Variants in MEOX2 observed in about 807,000 individuals in gnomAD.
The protein encoded by MEOX2 is mesenchyme homeobox 2.
Under a neutral mutation model 27.0 loss-of-function variants are expected in MEOX2, and 11 were observed. The ratio of observed to expected loss-of-function variants is 0.41; its 90% CI spans 0.26 to 0.68. The LOEUF is 0.68. Among genes scored for constraint, MEOX2 ranks in the 30% least tolerant of loss-of-function variants. The pLI, the probability that MEOX2 is intolerant of heterozygous loss-of-function variation, is 0.33. For missense variants in MEOX2, 436 were observed against 385.4 expected (o/e 1.13, Z -1.10); for synonymous variants, 189 against 155.4 (o/e 1.22, Z -1.61).
chr7:15,657,374 T>C (rs1027094198), intron 1 of MEOX2, among the ~76,000 whole-genome samples: 1 of 151,996 alleles, frequency 6.6e-6, no homozygotes, highest in East Asian at 1.9e-4. Flanking sequence ...ATGGTAAAAA[T>C]TTTTTTTCAA....
chr7:15,634,458 T>C (rs978367650), intron 1 of MEOX2, among the ~76,000 whole-genome samples: 1 of 151,964 alleles, frequency 6.6e-6, no homozygotes, highest in African/African-American at 2.4e-5. Flanking sequence ...TTTAGTATGT[T>C]ACAAATATTA....
At position 15,678,957 on chromosome 7, in the gene MEOX2, A is replaced by T. The variant is rs189550355; in HGVS notation, c.517+6929T>A. The T allele has an allele frequency of 1.5e-4, 23 of 152,318 alleles. No individual in the cohort carries two copies. The East Asian group carries it at 4.4e-3, about 29-fold the overall frequency. 9.4% of individuals were successfully genotyped at this position (152,318 alleles called of 1,614,324 possible). ...AAGTGTGTGAAGAATAATGAGCTAA[A>T]TAAAGAGGAAAAACAAAAGAAAACA... On this transcript the variant is annotated intron_variant, in intron 1 of 2. Coordinates refer to ENST00000262041, the MANE Select transcript of MEOX2 (RefSeq NM_005924.5).
chr7:15,645,866 C>G (rs1186028275), intron 1 of MEOX2, among the ~76,000 whole-genome samples: 1 of 152,096 alleles, frequency 6.6e-6, no homozygotes, highest in Non-Finnish European at 1.5e-5. Context: ...TTTTGTGCCA[C>G]AAGCATTTGT....
intron 1 of MEOX2, among the ~76,000 whole-genome samples, chr7:15,661,058 G>T (rs900187637): frequency 1.4e-5 from 2 of 141,068 alleles, no homozygotes; most frequent in Non-Finnish European, 3.1e-5. Context: ...GAGAGAGAAA[G>T]GAAGCATTAG....
Position 15,617,599 on chromosome 7 carries a change from T to C in MEOX2, c.691-4988A>G, listed in dbSNP as rs138642169. ...ATTAAGAGAAGGAATTCTTCAGCTA[T>C]TTCCAAAAGCTTATTGGAGCCACTA... On this transcript the variant is annotated intron_variant, in intron 2 of 2. Transcript: ENST00000262041. 1.8e-3 allele frequency among the ~76,000 whole-genome samples: 273 copies of C among 152,230 alleles called. 2 individuals carry two copies. Among genetic ancestry groups the C allele is most frequent in the African/African-American group, 6.4e-3 (265 of 41,578 alleles).
rs575381387 is a variant in MEOX2 at position 15,686,041 on chromosome 7, C to T, written c.362G>A (p.Gly121Glu). ...GGAGCACAGGACGGGCGGGCTGCTC[C>T]CCAACTCTGGGGGCCCTCCAGAGTC... ...QPDSGGPPELGSSPPVLCSNS... is the reference protein window; with the variant it reads ...QPDSGGPPELESSPPVLCSNS... Residue 121 changes from glycine to glutamate, a missense_variant, in exon 1 of 3, where the codon GGG (glycine) becomes GAG (glutamate). Transcript: ENST00000262041. 9 of 1,605,602 alleles carry T rather than the reference C, an allele frequency of 5.6e-6. No homozygotes were observed. Among genetic ancestry groups the T allele is most frequent in the South Asian group, 1.1e-5 (1 of 90,872 alleles).
chr7:15,645,196 G>C (rs1054145664), intron 1 of MEOX2, among the ~76,000 whole-genome samples: 2 of 152,160 alleles, frequency 1.3e-5, no homozygotes, highest in African/African-American at 4.8e-5. Context: ...AACCTTTCTT[G>C]TAGTGTTAAT....
intron 1 of MEOX2, among the ~76,000 whole-genome samples, chr7:15,642,032 G>A (rs970324933): frequency 1.3e-5 from 2 of 151,874 alleles, no homozygotes; most frequent in Non-Finnish European, 2.9e-5. Flanking sequence ...TTTCTTTATC[G>A]GTCTTTAAGA....
At chr7:15,657,033 T>A (rs1347865924) in intron 1 of MEOX2, among the ~76,000 whole-genome samples, 5 of 152,086 alleles carry the variant, frequency 3.3e-5, no homozygotes, top group African/African-American at 1.2e-4. Context: ...CTGACCTCCA[T>A]GGTTTTTAAT....
intron 1 of MEOX2, chr7:15,680,843 T>C (rs1482254064): frequency 6.6e-6 from 1 of 151,840 alleles, no homozygotes; most frequent in Non-Finnish European, 1.5e-5. Flanking sequence ...TTGGCCTTAG[T>C]TTGTGTTTTA....
In MEOX2 at chr7:15,686,508, C is replaced by T; in HGVS notation, c.-106G>A. On this transcript the variant is annotated 5_prime_UTR_variant, in exon 1 of 3. Coordinates refer to ENST00000262041, the MANE Select transcript of MEOX2 (RefSeq NM_005924.5). ...AACCGTGTGATTTTTTTTTTAACCTCCCAAAGCAATAGCGGTGCACTTCTG... is the reference window on the plus strand; with the variant it reads ...AACCGTGTGATTTTTTTTTTAACCTTCCAAAGCAATAGCGGTGCACTTCTG... The T allele has an allele frequency of 9.8e-7, 1 of 1,017,202 alleles. No homozygotes were observed. The highest frequency in any genetic ancestry group is 1.4e-6 in the Non-Finnish European group (1 of 704,264). 63.0% of individuals were successfully genotyped at this position (1,017,202 alleles called of 1,614,324 possible). A position where few individuals can be genotyped will look rare whatever the true frequency, so the allele number is the denominator to read the frequency against.
intron 1 of MEOX2, among the ~76,000 whole-genome samples, chr7:15,632,431 A>T (rs1386740313): frequency 6.6e-6 from 1 of 151,758 alleles, no homozygotes. Flanking sequence ...ATTTATTATT[A>T]TGTAATGCTT....
At chr7:15,626,719 T>C in intron 2 of MEOX2, 27 bp downstream of exon 2, 3 of 1,566,660 alleles carry the variant, frequency 1.9e-6, no homozygotes, top group Non-Finnish European at 2.6e-6. Flanking sequence ...TTAAAAAAGA[T>C]CATATAATGA....
intron 1 of MEOX2, among the ~76,000 whole-genome samples, chr7:15,663,433 A>G (rs1215368300): frequency 6.6e-6 from 1 of 151,910 alleles, no homozygotes; most frequent in African/African-American, 2.4e-5. Flanking sequence ...CCCGGGTTTA[A>G]GCAAGTCTCC....
chr7:15,612,474 A>C lies in MEOX2; in HGVS notation c.828T>G (p.Gly276=). ...TLLPSELSGI[G]AATLQQTGDS... is the part of the protein sequence containing the mutation. The stretch of plus-strand genomic sequence containing the variant: ...CCCCTGTTTGCTGGAGGGTGGCTGC[A>C]CCAATTCCCGACAGCTCTGATGGGA... The change falls in exon 3 of 3, where the codon GGT becomes GGG. Residue 276 remains glycine (G), a synonymous_variant. Transcript: ENST00000262041. 1 of 1,614,114 alleles carries C rather than the reference A, an allele frequency of 6.2e-7. No individual in the cohort carries two copies. Among genetic ancestry groups the C allele is most frequent in the Non-Finnish European group, 8.5e-7 (1 of 1,180,014 alleles).
At chr7:15,628,192 AC>A (rs1172884398) in intron 1 of MEOX2, among the ~76,000 whole-genome samples, 1 of 152,102 alleles carries the variant, frequency 6.6e-6, no homozygotes, top group East Asian at 1.9e-4. Flanking sequence ...GCTAAGAAGT[AC>A]AAAAATGAAT....
chr7:15,614,862 A>G (rs916279398), intron 2 of MEOX2, among the ~76,000 whole-genome samples: 19 of 152,150 alleles, frequency 1.2e-4, no homozygotes, highest in African/African-American at 4.6e-4. Flanking sequence ...TTCCAAAGAC[A>G]TAATTATATC....
rs10777 is a variant in MEOX2, at chr7:15,611,533, G to T, written c.*854C>A. 118,502 of 152,572 alleles carry T rather than the reference G, an allele frequency of 0.78. 46,247 individuals carry two copies. Among genetic ancestry groups the T allele is most frequent in the East Asian group, 0.89 (4,610 of 5,174 alleles). 9.5% of individuals were successfully genotyped at this position (152,572 alleles called of 1,614,324 possible). A position where few individuals can be genotyped will look rare whatever the true frequency, so the allele number is the denominator to read the frequency against. On this transcript the variant is annotated 3_prime_UTR_variant, in exon 3 of 3. Transcript: ENST00000262041. ...AACTGATTTGCCTATGATCCTAATT[G>T]TTTTAAGCTATAAGATAGGAAGAAT...
At chr7:15,636,196 G>A (rs891449525) in intron 1 of MEOX2, among the ~76,000 whole-genome samples, 10 of 151,890 alleles carry the variant, frequency 6.6e-5, no homozygotes, top group Admixed American at 3.3e-4. Flanking sequence ...TCTCTTAAAT[G>A]TTGTGCTGTT....
Sources: gnomAD v4.1 joint callset for allele counts (sites outside exome capture counted in the v4.1 genomes callset) on GRCh38, gnomAD v4.1.1 for gene constraint, MANE v1.5 for transcripts, NCBI Gene and HGNC (gene_info 2026-07-23, HGNC 2026-07-21) for gene names.